Variants in KCNQ5 observed in about 807,000 individuals in gnomAD.
KCNQ5 encodes the protein potassium voltage-gated channel subfamily Q member 5, also known as potassium voltage-gated channel subfamily KQT member 5.
Under a neutral mutation model 98.2 loss-of-function variants are expected in KCNQ5, and 30 were observed. The observed-to-expected ratio is 0.31, with a 90% CI of 0.23 to 0.41. KCNQ5 has a LOEUF of 0.41. KCNQ5 is among the 10% of genes least tolerant of loss of function. The pLI is 1.00. For missense variants in KCNQ5, 835 were observed against 1,182.5 expected (o/e 0.71, Z 4.31); for synonymous variants, 458 against 449.4 (o/e 1.02, Z -0.24).
At chr6:72,855,203 C>A (rs1282824911) in intron 1 of KCNQ5, among the ~76,000 whole-genome samples, 2 of 151,886 alleles carry the variant, frequency 1.3e-5, no homozygotes, top group Non-Finnish European at 2.9e-5. Context: ...TTTTTTTAAA[C>A]CAGTTCTAGC....
At chr6:72,770,467 G>T (rs1772806389) in intron 1 of KCNQ5, among the ~76,000 whole-genome samples, 1 of 152,054 alleles carries the variant, frequency 6.6e-6, no homozygotes, top group Non-Finnish European at 1.5e-5. Flanking sequence ...ATCTTTGAAA[G>T]ATATAAAATA....
At position 72,992,768 on chromosome 6, in the gene KCNQ5, A is replaced by G. The variant is rs1769105210; in HGVS notation, c.399-11140A>G. Reference sequence around the variant, plus strand: ...TCTTCCTAGTCTCGATGGTCTTTACATTTTGGCATGATTTTGCAGCGGCTG... The same window carrying G: ...TCTTCCTAGTCTCGATGGTCTTTACGTTTTGGCATGATTTTGCAGCGGCTG... On this transcript the variant is annotated intron_variant, in intron 1 of 13. Coordinates refer to ENST00000370398, the MANE Select transcript of KCNQ5 (RefSeq NM_019842.4). 5.5e-5 allele frequency among the ~76,000 whole-genome samples: 6 copies of G among 109,124 alleles called. No individual in the cohort carries two copies. In the South Asian group the frequency reaches 2.0e-3, roughly 36 times the overall value. 71.6% of individuals were successfully genotyped at this position (109,124 alleles called of 152,430 possible). A position where few individuals can be genotyped will look rare whatever the true frequency, so the allele number is the denominator to read the frequency against.
At chr6:73,177,296 G>A (rs1487596683) in intron 11 of KCNQ5, among the ~76,000 whole-genome samples, 1 of 152,166 alleles carries the variant, frequency 6.6e-6, no homozygotes, top group Non-Finnish European at 1.5e-5. Context: ...CATAGATGAA[G>A]TGTCAAGAAT....
At chr6:72,829,857 C>T (rs1359097578) in intron 1 of KCNQ5, among the ~76,000 whole-genome samples, 1 of 152,134 alleles carries the variant, frequency 6.6e-6, no homozygotes, top group African/African-American at 2.4e-5. Flanking sequence ...AGACTTGTAG[C>T]AAACAAGTTG....
chr6:72,895,429 CA>C (rs1236175651), intron 1 of KCNQ5, among the ~76,000 whole-genome samples: 3 of 151,662 alleles, frequency 2.0e-5, no homozygotes, highest in Admixed American at 2.0e-4. Context: ...ATTAACAATT[CA>C]AAAACATGCC....
At chr6:73,127,937 T>C (rs961752340) in intron 9 of KCNQ5, among the ~76,000 whole-genome samples, 1 of 152,150 alleles carries the variant, frequency 6.6e-6, no homozygotes, top group African/African-American at 2.4e-5. Flanking sequence ...TGGTGCTGCA[T>C]GCCTGTAGTC....
intron 1 of KCNQ5, among the ~76,000 whole-genome samples, chr6:72,965,504 G>A (rs1180035612): frequency 1.3e-5 from 2 of 151,996 alleles, no homozygotes; most frequent in Non-Finnish European, 2.9e-5. Context: ...ATCTCCTTCT[G>A]TTTTTTTCTT....
At chr6:72,952,438 TA>T (rs1195225911) in intron 1 of KCNQ5, among the ~76,000 whole-genome samples, 1 of 152,192 alleles carries the variant, frequency 6.6e-6, no homozygotes, top group Non-Finnish European at 1.5e-5. Flanking sequence ...CACTTCTTAA[TA>T]AACATAGCTC....
intron 1 of KCNQ5, among the ~76,000 whole-genome samples, chr6:72,832,547 A>C (rs1243693239): frequency 6.6e-6 from 1 of 152,178 alleles, no homozygotes; most frequent in Non-Finnish European, 1.5e-5. Flanking sequence ...GGTTAGAAAC[A>C]CTGCTCTGTG....
chr6:73,079,741 G>T (rs1476741594), intron 5 of KCNQ5, among the ~76,000 whole-genome samples: 1 of 152,192 alleles, frequency 6.6e-6, no homozygotes, highest in Non-Finnish European at 1.5e-5. Context: ...AAGAGTGGAA[G>T]CTTGAAAGAG....
chr6:73,021,489 C>G (rs893909366), intron 2 of KCNQ5, among the ~76,000 whole-genome samples: 2 of 152,074 alleles, frequency 1.3e-5, no homozygotes, highest in Non-Finnish European at 1.5e-5. Context: ...TTGTTATTGT[C>G]TTTCATTATT....
At chr6:73,071,119 A>C (rs558381104) in intron 3 of KCNQ5, among the ~76,000 whole-genome samples, 1 of 152,168 alleles carries the variant, frequency 6.6e-6, no homozygotes, top group Non-Finnish European at 1.5e-5. Context: ...GACTTATAAT[A>C]TCCCAGGTAA....
At chr6:72,693,990 A>G (rs924597445) in intron 1 of KCNQ5, among the ~76,000 whole-genome samples, 2 of 152,126 alleles carry the variant, frequency 1.3e-5, no homozygotes, top group African/African-American at 4.8e-5. Context: ...TGATTAACTT[A>G]AAGTTTTAGA....
At chr6:72,784,815 C>G (rs889567835) in intron 1 of KCNQ5, among the ~76,000 whole-genome samples, 1 of 152,206 alleles carries the variant, frequency 6.6e-6, no homozygotes, top group Admixed American at 6.5e-5. Flanking sequence ...TCCTTATGTG[C>G]AGGAGAGACT....
intron 1 of KCNQ5, among the ~76,000 whole-genome samples, chr6:72,715,285 G>A (rs562445371): frequency 5.3e-5 from 8 of 152,174 alleles, no homozygotes; most frequent in African/African-American, 1.4e-4. Context: ...CTCACTCAGC[G>A]TTTGTAGCAC....
intron 1 of KCNQ5, among the ~76,000 whole-genome samples, chr6:72,853,226 A>G (rs966666462): frequency 2.0e-5 from 3 of 152,184 alleles, no homozygotes; most frequent in African/African-American, 7.2e-5. Flanking sequence ...CAGTTGAATA[A>G]GACATATGTA....
At chr6:72,685,314 C>G (rs548327626) in intron 1 of KCNQ5, among the ~76,000 whole-genome samples, 1 of 152,178 alleles carries the variant, frequency 6.6e-6, no homozygotes, top group African/African-American at 2.4e-5. Context: ...TCAAGAGAAA[C>G]ATATTGTTTT....
intron 1 of KCNQ5, among the ~76,000 whole-genome samples, chr6:72,703,793 C>A (rs1248353921): frequency 1.3e-5 from 2 of 152,058 alleles, no homozygotes; most frequent in Non-Finnish European, 2.9e-5. Context: ...TGTATATGGC[C>A]CTGCAAAGAA....
chr6:72,946,422 C>T (rs117210517), intron 1 of KCNQ5, among the ~76,000 whole-genome samples: 166 of 152,192 alleles, frequency 1.1e-3, no homozygotes, highest in East Asian at 4.8e-3. Flanking sequence ...ATTTATTACA[C>T]GCTGTAATTC....
Sources: gnomAD v4.1 joint callset for allele counts (sites outside exome capture counted in the v4.1 genomes callset) on GRCh38, gnomAD v4.1.1 for gene constraint, MANE v1.5 for transcripts, NCBI Gene and HGNC (gene_info 2026-07-23, HGNC 2026-07-21) for gene names.